The following ZFPM1 variants were observed in gnomAD, a reference collection of about 807,000 sequenced individuals.
The protein encoded by ZFPM1 is zinc finger protein, FOG family member 1.
Under a neutral mutation model 46.3 loss-of-function variants are expected in ZFPM1, and 28 were observed. The observed-to-expected ratio is 0.60, with a 90% CI of 0.45 to 0.83. The LOEUF is 0.83. ZFPM1 is among the 40% of genes least tolerant of loss of function. The pLI, the probability that ZFPM1 is intolerant of heterozygous loss-of-function variation, is 0.00. For synonymous variants in ZFPM1, 957 were observed against 675.9 expected, an observed-to-expected ratio of 1.42 and a Z score of -6.45; for missense variants, 1,878 against 1,432.4, an observed-to-expected ratio of 1.31 and a Z score of -5.02.
intron 2 of ZFPM1, 98 bp downstream of exon 2, chr16:88,486,141 G>A (rs1396437850): frequency 1.6e-6 from 2 of 1,268,728 alleles, no homozygotes; most frequent in Non-Finnish European, 2.2e-6. Context: ...GAGAGGTGTG[G>A]GCCAACTATA....
At chr16:88,482,643 C>T (rs892141151) in intron 1 of ZFPM1, among the ~76,000 whole-genome samples, 7 of 152,136 alleles carry the variant, frequency 4.6e-5, no homozygotes, top group African/African-American at 1.7e-4. Flanking sequence ...TCCTGTGGGC[C>T]CCAGCCCCAG....
At position 88,535,053 on chromosome 16, in the gene ZFPM1, C is replaced by T. The variant is rs1420300787; in HGVS notation, c.*74C>T. 26 of 1,339,170 alleles carry T rather than the reference C, an allele frequency of 1.9e-5. No individual in the cohort carries two copies. The highest frequency in any genetic ancestry group is 3.0e-5 in the African/African-American group (2 of 66,406). 83.0% of individuals were successfully genotyped at this position (1,339,170 alleles called of 1,614,324 possible). A position where few individuals can be genotyped will look rare whatever the true frequency, so the allele number is the denominator to read the frequency against. ...GGGAGGGGGCCGCCCCCAGGCCGCACGGACTGCCGCTCCTGGGAACCCCGC... is the reference window on the plus strand; with the variant it reads ...GGGAGGGGGCCGCCCCCAGGCCGCATGGACTGCCGCTCCTGGGAACCCCGC... On this transcript the variant is annotated 3_prime_UTR_variant, in exon 10 of 10. Transcript: ENST00000319555.
At chr16:88,527,011 C>T in intron 5 of ZFPM1, 95 bp downstream of exon 5, 3 of 1,474,206 alleles carry the variant, frequency 2.0e-6, no homozygotes, top group Non-Finnish European at 2.7e-6. Context: ...AACCAGCCTG[C>T]TAGGGCAGGG....
At chr16:88,489,354 C>T in intron 3 of ZFPM1, 11 of 796,088 alleles carry the variant, frequency 1.4e-5, no homozygotes, top group South Asian at 8.2e-5. Flanking sequence ...GCGCCAATCC[C>T]GGGCCTCACG....
rs955467068 is a variant in ZFPM1, at chr16:88,471,179, G to A, written c.41-14760G>A. On this transcript the variant is annotated intron_variant, in intron 1 of 9. Coordinates refer to ENST00000319555, the MANE Select transcript of ZFPM1 (RefSeq NM_153813.3). The surrounding 1 kb of genome is among the most constrained non-coding windows in gnomAD (Gnocchi z 4.1). ...CAGACTTTTCCTCTCCACTTACTCCGCCCTGACCGCGATGGGCACTGAGAA... is the reference window on the plus strand; with the variant it reads ...CAGACTTTTCCTCTCCACTTACTCCACCCTGACCGCGATGGGCACTGAGAA... Among the ~76,000 whole-genome samples, 11 of 152,264 alleles carry A rather than the reference G, an allele frequency of 7.2e-5. No homozygotes were observed. The highest frequency in any genetic ancestry group is 2.2e-4 in the African/African-American group (9 of 41,528).
rs746761678 is a variant in ZFPM1 at position 88,526,801 on chromosome 16, C to G, written c.403-13C>G. The G allele has an allele frequency of 4.3e-6, 5 of 1,161,088 alleles. No homozygotes were observed. The African/African-American group carries it at 1.3e-4, about 30-fold the overall frequency. The allele number at this position is 1,161,088 out of a possible 1,614,324, so 71.9% of individuals were successfully genotyped here. On this transcript the variant is annotated splice_polypyrimidine_tract_variant and intron_variant, in intron 4 of 9. Transcript: ENST00000319555. ...CGGACCCCTCCCCACGTGTTCCTAC[C>G]CTCCCCCCCCAGAGCCCAGCCCTGA...
At chr16:88,500,694 TG>T (rs551301637) in intron 3 of ZFPM1, among the ~76,000 whole-genome samples, 33 of 152,296 alleles carry the variant, frequency 2.2e-4, no homozygotes, top group Admixed American at 3.9e-4. Context: ...ACCGCAGACC[TG>T]GGGCCTGTTG....
chr16:88,457,976 TG>T (rs1483770374), intron 1 of ZFPM1, among the ~76,000 whole-genome samples: 1 of 152,176 alleles, frequency 6.6e-6, no homozygotes, highest in Non-Finnish European at 1.5e-5. Flanking sequence ...GATCATTTGA[TG>T]GTAAGAATAA....
intron 1 of ZFPM1, among the ~76,000 whole-genome samples, chr16:88,470,427 T>A (rs997867274): frequency 4.6e-5 from 7 of 152,170 alleles, no homozygotes; most frequent in African/African-American, 1.7e-4. Context: ...AACACAGGGG[T>A]CTGACGTGCT....
chr16:88,458,012 A>G (rs1026718319), intron 1 of ZFPM1, among the ~76,000 whole-genome samples: 1 of 152,180 alleles, frequency 6.6e-6, no homozygotes, highest in African/African-American at 2.4e-5. Context: ...AATGCTTAAG[A>G]GCCCTCTCTG....
rs1285042814 is a variant in ZFPM1 at position 88,534,690 on chromosome 16, A to G, written c.2732A>G (p.Gln911Arg). The G allele has an allele frequency of 1.0e-6, 1 of 972,936 alleles. No individual in the cohort carries two copies. The highest frequency in any genetic ancestry group is 1.9e-5 in the African/African-American group (1 of 51,510). The allele number at this position is 972,936 out of a possible 1,614,324, so 60.3% of individuals were successfully genotyped here. A position where few individuals can be genotyped will look rare whatever the true frequency, so the allele number is the denominator to read the frequency against. Reference protein sequence around the residue: ...SPAPAPAASPQPGSRGPRDGL... With the variant: ...SPAPAPAASPRPGSRGPRDGL... ...GCTCCCGCCCCCGCCGCCTCCCCGC[A>G]GCCCGGGTCCCGTGGCCCCCGGGAC... The change falls in exon 10 of 10, where the codon CAG (glutamine) becomes CGG (arginine). Residue 911 changes from glutamine (Q) to arginine (R), a missense_variant. Physicochemically the swap from Gln to Arg is conservative, Grantham distance 43. Transcript: ENST00000319555.
intron 3 of ZFPM1, among the ~76,000 whole-genome samples, chr16:88,509,612 C>G (rs1910843860): frequency 6.6e-6 from 1 of 152,198 alleles, no homozygotes; most frequent in African/African-American, 2.4e-5. Flanking sequence ...GGTGGAGAAA[C>G]AGGCCTGGGG....
rs1364574632 is a variant in ZFPM1, at chr16:88,536,874, A to G, written c.*1895A>G. On this transcript the variant is annotated 3_prime_UTR_variant, in exon 10 of 10. Coordinates refer to ENST00000319555, the MANE Select transcript of ZFPM1 (RefSeq NM_153813.3). Reference sequence around the variant, plus strand: ...CTGCTCATCATTTGCATTGTTGTGCATGAATTTGCGTGGAGGGTTCAGGAG... The same window carrying G: ...CTGCTCATCATTTGCATTGTTGTGCGTGAATTTGCGTGGAGGGTTCAGGAG... 1.3e-5 allele frequency: 2 copies of G among 152,264 alleles called. No individual in the cohort carries two copies. The highest frequency in any genetic ancestry group is 2.4e-5 in the African/African-American group (1 of 41,442). 9.4% of individuals were successfully genotyped at this position (152,264 alleles called of 1,614,324 possible).
At position 88,535,148 on chromosome 16, in the gene ZFPM1, A is replaced by T; in HGVS notation, c.*169A>T. On this transcript the variant is annotated 3_prime_UTR_variant, in exon 10 of 10. Transcript: ENST00000319555. ...CCTGGACCCTTGGCACTTAATAAAG[A>T]AGTTCAGTTTGATGAGCATGGTGGT... The T allele has an allele frequency of 2.4e-6, 2 of 820,702 alleles. No homozygotes were observed. Among genetic ancestry groups the T allele is most frequent in the Non-Finnish European group, 3.3e-6 (2 of 607,110 alleles). The allele number at this position is 820,702 out of a possible 1,614,324, so 50.8% of individuals were successfully genotyped here. A position where few individuals can be genotyped will look rare whatever the true frequency, so the allele number is the denominator to read the frequency against.
rs1908890282 is a variant in ZFPM1 at position 88,480,664 on chromosome 16, G to A, written c.41-5275G>A. On this transcript the variant is annotated intron_variant, in intron 1 of 9. Transcript: ENST00000319555. This position sits in a 1 kb window ranked among gnomAD's most constrained non-coding sequence, Gnocchi z 4.9. ...CTCAAACACTGAGCCGGAGCAGGGT[G>A]CTCCCTGGGCCAGGGCCCTGGTTTT... Among the ~76,000 whole-genome samples, 1 of 152,242 alleles carries A rather than the reference G, an allele frequency of 6.6e-6. No homozygotes were observed. Among genetic ancestry groups the A allele is most frequent in the South Asian group, 2.1e-4 (1 of 4,834 alleles).
chr16:88,482,789 C>T (rs1019559165), intron 1 of ZFPM1, among the ~76,000 whole-genome samples: 1 of 152,158 alleles, frequency 6.6e-6, no homozygotes, highest in African/African-American at 2.4e-5. Context: ...CAGCTCCATG[C>T]CAGCCACAGA....
chr16:88,482,993 G>T (rs1308509342), intron 1 of ZFPM1, among the ~76,000 whole-genome samples: 2 of 152,184 alleles, frequency 1.3e-5, no homozygotes, highest in Non-Finnish European at 2.9e-5. Flanking sequence ...AGGGCACTCG[G>T]GTTGGGCCTC....
intron 1 of ZFPM1, among the ~76,000 whole-genome samples, chr16:88,466,559 G>A (rs1432616431): frequency 3.3e-5 from 5 of 152,240 alleles, no homozygotes; most frequent in African/African-American, 4.8e-5. Flanking sequence ...GGCAGGGGAC[G>A]GCTGAGGGCC....
rs1199666294 is a variant in ZFPM1 at position 88,456,699 on chromosome 16, G to A, written c.40+3021G>A. Reference sequence around the variant, plus strand: ...GCTGAGAGGCGCCTGGGGCTGGGGGGCCAGCCTGTGCCAGCAGGTGCGAGT... The same window carrying A: ...GCTGAGAGGCGCCTGGGGCTGGGGGACCAGCCTGTGCCAGCAGGTGCGAGT... On this transcript the variant is annotated intron_variant, in intron 1 of 9. Coordinates refer to ENST00000319555, the MANE Select transcript of ZFPM1 (RefSeq NM_153813.3). 2.0e-5 allele frequency among the ~76,000 whole-genome samples: 3 copies of A among 152,346 alleles called. No individual in the cohort carries two copies. In the South Asian group the frequency reaches 6.2e-4, roughly 32 times the overall value.
Sources: allele counts gnomAD v4.1 joint callset (sites outside exome capture counted in the v4.1 genomes callset), GRCh38; gene constraint gnomAD v4.1.1; non-coding constraint Gnocchi (gnomAD v3.1); transcripts MANE v1.5; gene names NCBI Gene and HGNC (gene_info 2026-07-23, HGNC 2026-07-21).